TRAPPC9: variants seen among roughly 807,000 people sequenced by gnomAD.
The protein encoded by TRAPPC9 is trafficking protein particle complex subunit 9.
TRAPPC9 carries 83 observed loss-of-function variants against 124.0 expected under a neutral mutation model. The ratio of observed to expected loss-of-function variants is 0.67; its 90% confidence interval spans 0.56 to 0.80. The LOEUF is 0.80. Among genes scored for constraint, TRAPPC9 ranks in the 30% least tolerant of loss-of-function variants. TRAPPC9 has a pLI of 0.00. For synonymous variants in TRAPPC9, 638 were observed against 617.5 expected, an observed-to-expected ratio of 1.03 and a Z score of -0.49; for missense variants, 1,302 against 1,508.3, an observed-to-expected ratio of 0.86 and a Z score of 2.27.
rs2071724959 is a variant in TRAPPC9 at position 140,457,515 on chromosome 8, G to A, written c.-11+124C>T. The A allele has an allele frequency of 3.7e-6, 3 of 821,808 alleles. No homozygotes were observed. In the South Asian group the frequency reaches 1.6e-4, roughly 45 times the overall value. 50.9% of individuals were successfully genotyped at this position (821,808 alleles called of 1,614,324 possible). A position where few individuals can be genotyped will look rare whatever the true frequency, so the allele number is the denominator to read the frequency against. ...GACCCGGACAGGTGTGGCGGGCTCC[G>A]CCCGGACAGGTGAGGGCCGGGCGAG... On this transcript the variant is annotated intron_variant, in intron 1 of 22. Transcript: ENST00000438773.
chr8:140,388,620 C>T (rs1017148282), intron 7 of TRAPPC9, among the ~76,000 whole-genome samples: 1 of 151,482 alleles, frequency 6.6e-6, no homozygotes, highest in Non-Finnish European at 1.5e-5. Flanking sequence ...GAGGCAGAGG[C>T]TGTGGTGAGC....
rs752040819 is a variant in TRAPPC9, at chr8:139,910,191, G to A, written c.2920C>T (p.Arg974Ter). Residue 974 changes from arginine (R) to a stop codon, truncating the protein, a stop_gained, in exon 20 of 23, where the codon CGA (arginine) becomes TGA (stop). Coordinates refer to ENST00000438773, the MANE Select transcript of TRAPPC9 (RefSeq NM_001160372.4). LOFTEE classifies it high-confidence loss of function. ...KQLEEERREA[R>*]GLEIHSKLGI... ...AGCTTGCTGTGGATCTCCAGGCCTC[G>A]GGCTTCCCGCCGCTCTTCCTCCAGC... 25 of 1,613,664 alleles carry A rather than the reference G, an allele frequency of 1.5e-5. No individual in the cohort carries two copies. Among genetic ancestry groups the A allele is most frequent in the Non-Finnish European group, 2.1e-5 (25 of 1,179,902 alleles).
chr8:140,252,975 A>G lies in TRAPPC9; in HGVS notation c.2279-46T>C, dbSNP rs758804392. 7.5e-6 allele frequency: 12 copies of G among 1,593,396 alleles called. No homozygotes were observed. The Admixed American group carries it at 1.7e-4, about 22-fold the overall frequency. On this transcript the variant is annotated intron_variant, in intron 15 of 22. Transcript: ENST00000438773. The surrounding 1 kb of genome is among the most constrained non-coding windows in gnomAD (Gnocchi z 4.2). ...GTGATGAGGATGCTGTAACTGAGGC[A>G]GTATGGGACTTACCAATCCCCTAGA... is the stretch of plus-strand genomic sequence containing the variant.
At chr8:140,249,060 C>T (rs571763865) in intron 16 of TRAPPC9, among the ~76,000 whole-genome samples, 8 of 151,992 alleles carry the variant, frequency 5.3e-5, no homozygotes, top group Non-Finnish European at 8.8e-5. Context: ...TTAGCGGGTA[C>T]GTGTTCAGGT....
chr8:139,914,268 G>A (rs1831951102), intron 19 of TRAPPC9, among the ~76,000 whole-genome samples: 1 of 152,264 alleles, frequency 6.6e-6, no homozygotes, highest in Admixed American at 6.5e-5. Flanking sequence ...GGGCATGCGG[G>A]GTGGTGGCGC....
intron 21 of TRAPPC9, among the ~76,000 whole-genome samples, chr8:139,749,683 T>C (rs1298580879): frequency 1.3e-5 from 2 of 152,130 alleles, no homozygotes; most frequent in East Asian, 3.9e-4. Flanking sequence ...CACATAGAAC[T>C]ATAAAGTCTT....
Position 139,776,924 on chromosome 8 carries a change from A to C in TRAPPC9, c.3056-44722T>G, listed in dbSNP as rs1363881994. ...TGATGACGTGGGGGCTGTGCCTTGC[A>C]CCCTCTGTAGCTCCTGTGTGCCAGT... On this transcript the variant is annotated intron_variant, in intron 21 of 22. Coordinates refer to ENST00000438773, the MANE Select transcript of TRAPPC9 (RefSeq NM_001160372.4). The surrounding 1 kb of genome is among the most constrained non-coding windows in gnomAD (Gnocchi z 4.1). 4.6e-5 allele frequency among the ~76,000 whole-genome samples: 7 copies of C among 152,118 alleles called. No homozygotes were observed. The highest frequency in any genetic ancestry group is 1.0e-4 in the Non-Finnish European group (7 of 68,014).
intron 19 of TRAPPC9, among the ~76,000 whole-genome samples, chr8:139,945,167 A>G (rs1834129881): frequency 6.6e-6 from 1 of 152,200 alleles, no homozygotes; most frequent in African/African-American, 2.4e-5. Context: ...ACAAAAAAAT[A>G]AAAAGGCAAA....
At chr8:139,846,290 A>C (rs1042413709) in intron 21 of TRAPPC9, among the ~76,000 whole-genome samples, 1 of 152,172 alleles carries the variant, frequency 6.6e-6, no homozygotes, top group Non-Finnish European at 1.5e-5. Context: ...CTGAGCTCTT[A>C]GTTCCACCCC....
chr8:140,198,027 G>A (rs2062708797), intron 17 of TRAPPC9, among the ~76,000 whole-genome samples: 1 of 152,180 alleles, frequency 6.6e-6, no homozygotes, highest in African/African-American at 2.4e-5. Context: ...CCATTCTAGG[G>A]AAACTGTCTC....
intron 21 of TRAPPC9, among the ~76,000 whole-genome samples, chr8:139,826,104 C>G (rs956374324): frequency 6.6e-6 from 1 of 152,152 alleles, no homozygotes; most frequent in African/African-American, 2.4e-5. Flanking sequence ...CACAGAGAGC[C>G]CAGGGTGACC....
At chr8:139,754,142 GC>G (rs760830209) in intron 21 of TRAPPC9, among the ~76,000 whole-genome samples, 1 of 152,022 alleles carries the variant, frequency 6.6e-6, no homozygotes, top group African/African-American at 2.4e-5. Flanking sequence ...AACAGCCAAG[GC>G]CCCCCCAGCC....
At chr8:140,251,800 G>A (rs1448190910) in intron 16 of TRAPPC9, among the ~76,000 whole-genome samples, 1 of 152,184 alleles carries the variant, frequency 6.6e-6, no homozygotes, top group Admixed American at 6.5e-5. Context: ...GACGCAGCAC[G>A]AAGGTGGCCA....
upstream of TRAPPC9, among the ~76,000 whole-genome samples, chr8:140,458,081 AGAGGGTGGAGGAG>A (rs2071762407): frequency 0.011 from 693 of 64,760 alleles, 13 homozygotes; most frequent in African/African-American, 0.041. Context: ...GGGGACAGGG[AGAGGGTGGAGGAG>A]GGAGGAGGGA....
intron 21 of TRAPPC9, among the ~76,000 whole-genome samples, chr8:139,847,866 G>A (rs1352999340): frequency 1.3e-5 from 2 of 152,232 alleles, no homozygotes; most frequent in African/African-American, 4.8e-5. Context: ...AGCTGGTGAA[G>A]GCAACAGAAG....
At chr8:140,106,690 A>C (rs2060672811) in intron 17 of TRAPPC9, among the ~76,000 whole-genome samples, 1 of 152,194 alleles carries the variant, frequency 6.6e-6, no homozygotes, top group South Asian at 2.1e-4. Context: ...GACCTTGAAA[A>C]GGCCATTTCA....
At chr8:139,877,279 G>T (rs1038379512) in intron 21 of TRAPPC9, among the ~76,000 whole-genome samples, 1 of 152,234 alleles carries the variant, frequency 6.6e-6, no homozygotes, top group Non-Finnish European at 1.5e-5. Context: ...CATGGCAAAT[G>T]CCTAGCCCCA....
chr8:139,935,218 G>C (rs1833436007), intron 19 of TRAPPC9, among the ~76,000 whole-genome samples: 1 of 152,128 alleles, frequency 6.6e-6, no homozygotes, highest in Non-Finnish European at 1.5e-5. Context: ...GTAGACTCGG[G>C]GGTTCTTCAA....
chr8:139,923,188 G>A (rs1171382212), intron 19 of TRAPPC9, among the ~76,000 whole-genome samples: 6 of 151,644 alleles, frequency 4.0e-5, no homozygotes, highest in Non-Finnish European at 4.4e-5. Flanking sequence ...AAACATCCCT[G>A]TATAATCATC....
Sources: gnomAD v4.1 joint callset for allele counts (sites outside exome capture counted in the v4.1 genomes callset) on GRCh38, gnomAD v4.1.1 for gene constraint, Gnocchi (gnomAD v3.1) non-coding constraint, MANE v1.5 for transcripts, NCBI Gene and HGNC (gene_info 2026-07-23, HGNC 2026-07-21) for gene names.